ACSL5: variants seen among roughly 807,000 people sequenced by gnomAD.
ACSL5 encodes the protein long-chain-fatty-acid--CoA ligase 5.
ACSL5 carries 50 observed loss-of-function variants against 84.9 expected under a neutral mutation model. The ratio of observed to expected loss-of-function variants is 0.59; its 90% confidence interval spans 0.47 to 0.75. The LOEUF (loss-of-function observed/expected upper bound fraction) is 0.75. ACSL5 is among the 30% of genes least tolerant of loss of function. The pLI, the probability that ACSL5 is intolerant of heterozygous loss-of-function variation, is 0.00. For synonymous variants in ACSL5, 280 were observed against 300.7 expected (o/e 0.93, Z 0.71); for missense variants, 775 against 830.4 (o/e 0.93, Z 0.82).
chr10:112,400,662 C>T (rs1843863125), intron 3 of ACSL5, among the ~76,000 whole-genome samples: 1 of 152,084 alleles, frequency 6.6e-6, no homozygotes, highest in South Asian at 2.1e-4. Flanking sequence ...CCACCTTGAC[C>T]TCCCAAAGTG....
At chr10:112,393,883 G>A (rs1322102620) in intron 1 of ACSL5, among the ~76,000 whole-genome samples, 1 of 152,198 alleles carries the variant, frequency 6.6e-6, no homozygotes, top group African/African-American at 2.4e-5. Flanking sequence ...TTACTCTTCT[G>A]TGAAATACTA....
At chr10:112,404,872 TC>T in intron 5 of ACSL5, 66 bp downstream of exon 5, 1 of 1,381,236 alleles carries the variant, frequency 7.2e-7, no homozygotes, top group Non-Finnish European at 1.0e-6. Context: ...CAAATGCTAT[TC>T]CCCGTCCAGC....
At chr10:112,382,483 T>C (rs1480743406) in intron 1 of ACSL5, among the ~76,000 whole-genome samples, 1 of 152,182 alleles carries the variant, frequency 6.6e-6, no homozygotes, top group Non-Finnish European at 1.5e-5. Flanking sequence ...GCATGAGTGC[T>C]CACAGCACTG....
At chr10:112,415,523 A>C (rs962802469) in intron 12 of ACSL5, among the ~76,000 whole-genome samples, 1 of 152,248 alleles carries the variant, frequency 6.6e-6, no homozygotes, top group African/African-American at 2.4e-5. Context: ...AGTCTTGTGA[A>C]TGTTGAAGAA....
chr10:112,376,721 A>T (rs1166403327), intron 1 of ACSL5, among the ~76,000 whole-genome samples: 1 of 151,984 alleles, frequency 6.6e-6, no homozygotes, highest in Non-Finnish European at 1.5e-5. Context: ...ACCAAAACAG[A>T]GACCTCTTTT....
At chr10:112,413,635 G>T (rs879402128) in intron 12 of ACSL5, among the ~76,000 whole-genome samples, 1 of 152,170 alleles carries the variant, frequency 6.6e-6, no homozygotes, top group Non-Finnish European at 1.5e-5. Flanking sequence ...TGAGGCAGGA[G>T]AATTGCTTGA....
intron 12 of ACSL5, 44 bp downstream of exon 12, chr10:112,413,351 C>T: frequency 1.2e-6 from 2 of 1,607,602 alleles, no homozygotes; most frequent in Middle Eastern, 1.7e-4. Context: ...CTTGGGCCTG[C>T]ACGAAGGAAC....
chr10:112,421,771 G>T, intron 15 of ACSL5, 106 bp downstream of exon 15: 3 of 1,364,248 alleles, frequency 2.2e-6, no homozygotes, highest in Non-Finnish European at 2.1e-6. Context: ...GACTAATGTG[G>T]CAAATGCAAA....
At chr10:112,403,183 A>G (rs2133611787) in intron 3 of ACSL5, among the ~76,000 whole-genome samples, 1 of 152,382 alleles carries the variant, frequency 6.6e-6, no homozygotes, top group African/African-American at 2.4e-5. Flanking sequence ...ACAAGTCATG[A>G]AAGTAAATAA....
intron 1 of ACSL5, among the ~76,000 whole-genome samples, chr10:112,387,160 G>C (rs1000822143): frequency 6.6e-6 from 1 of 152,144 alleles, no homozygotes; most frequent in Non-Finnish European, 1.5e-5. Context: ...TCCATATGAT[G>C]CTTTTCTTTG....
chr10:112,403,087 C>A (rs1843943592), intron 3 of ACSL5, among the ~76,000 whole-genome samples: 1 of 152,148 alleles, frequency 6.6e-6, no homozygotes, highest in Non-Finnish European at 1.5e-5. Flanking sequence ...AGTGTGTGCA[C>A]ACCTCTGTGT....
chr10:112,416,823 C>T lies in ACSL5; in HGVS notation c.1084-65C>T, dbSNP rs561709436. On this transcript the variant is annotated intron_variant, in intron 12 of 20. Coordinates refer to ENST00000354655, the MANE Select transcript of ACSL5 (RefSeq NM_203379.2). ...TAAAGCTAGAACACACTGTTTCTTG[C>T]TCACTAATGGCTTTGATGAGTATCT... 1.2e-5 allele frequency: 19 copies of T among 1,558,824 alleles called. No homozygotes were observed. The African/African-American group carries it at 2.6e-4, about 21-fold the overall frequency.
intron 7 of ACSL5, 180 bp from the exon 8 acceptor site, chr10:112,410,283 A>G: frequency 6.5e-7 from 1 of 1,544,082 alleles, no homozygotes. Context: ...GAGAAATCTT[A>G]TGCTCTTCCC....
chr10:112,390,143 A>C (rs1467382308), intron 1 of ACSL5, among the ~76,000 whole-genome samples: 4 of 152,208 alleles, frequency 2.6e-5, no homozygotes, highest in Non-Finnish European at 2.9e-5. Context: ...TACAGAATGG[A>C]AGAAAATATT....
Position 112,376,429 on chromosome 10 carries a change from A to AGAT in ACSL5, c.-30+2162_-30+2164dup, listed in dbSNP as rs752698749. 19 of 1,613,998 alleles carry AGAT rather than the reference A, an allele frequency of 1.2e-5. No individual in the cohort carries two copies. The Admixed American group carries it at 1.5e-4, about 13-fold the overall frequency. On this transcript the variant is annotated intron_variant, in intron 1 of 20. Transcript: ENST00000354655. ...GCCCCCATTCACTAGAAGCACTGAG[A>AGAT]GATGCGGCCCCCTCGCAGGGTAAGG...
intron 3 of ACSL5, among the ~76,000 whole-genome samples, chr10:112,401,131 G>T (rs150098296): frequency 0.029 from 4,425 of 152,086 alleles, 205 homozygotes; most frequent in African/African-American, 0.1. Flanking sequence ...CAGGAGAATC[G>T]CTTGAACCTG....
intron 1 of ACSL5, chr10:112,376,512 A>G: frequency 6.2e-7 from 1 of 1,601,700 alleles, no homozygotes; most frequent in Non-Finnish European, 8.5e-7. Context: ...GACAGAGGCC[A>G]AGGGGGCATC....
chr10:112,426,647 G>A, intron 19 of ACSL5, 141 bp from the exon 20 acceptor site: 1 of 712,542 alleles, frequency 1.4e-6, no homozygotes, highest in Non-Finnish European at 2.4e-6. Flanking sequence ...TTTCAATATT[G>A]GGCATATAAT....
In ACSL5 at chr10:112,377,259, G is replaced by A. The variant is rs544541784; in HGVS notation, c.-30+2990G>A. 5.3e-5 allele frequency among the ~76,000 whole-genome samples: 8 copies of A among 152,274 alleles called. No individual in the cohort carries two copies. The East Asian group carries it at 1.4e-3, about 26-fold the overall frequency. On this transcript the variant is annotated intron_variant, in intron 1 of 20. Coordinates refer to ENST00000354655, the MANE Select transcript of ACSL5 (RefSeq NM_203379.2). ...CAGAGTCTTAAAAAATAAAGTTAAG[G>A]CCGGGCGCAGTGACTCACACCTGTA...
Sources: allele counts gnomAD v4.1 joint callset (sites outside exome capture counted in the v4.1 genomes callset), GRCh38; gene constraint gnomAD v4.1.1; transcripts MANE v1.5; gene names NCBI Gene and HGNC (gene_info 2026-07-23, HGNC 2026-07-21).